The following DIS3L variants were observed in gnomAD, a reference collection of about 807,000 sequenced individuals.
DIS3L encodes DIS3 like exosome 3'-5' exoribonuclease, also known as DIS3-like exonuclease 1.
In DIS3L, 100 loss-of-function variants were observed where a neutral mutation model predicts 120.3. The ratio of observed to expected loss-of-function variants is 0.83; its 90% CI spans 0.71 to 0.98. The LOEUF (loss-of-function observed/expected upper bound fraction) is 0.98, where lower values mean the gene tolerates loss of function less well. DIS3L is among the 50% of genes least tolerant of loss of function. The pLI is 0.00. For missense variants in DIS3L, 1,196 were observed against 1,314.2 expected (o/e 0.91, Z 1.39); for synonymous variants, 426 against 470.6 (o/e 0.91, Z 1.23).
chr15:66,311,460 G>A (rs2040983943), intron 4 of DIS3L, among the ~76,000 whole-genome samples: 1 of 152,176 alleles, frequency 6.6e-6, no homozygotes, highest in African/African-American at 2.4e-5. Flanking sequence ...TGTGTGTGGA[G>A]AGAAAGAGAC....
rs1283384329 is a variant in DIS3L at position 66,304,998 on chromosome 15, C to CTT, written c.294-1807_294-1806dup. Among the ~76,000 whole-genome samples, 176 of 105,064 alleles carry CTT rather than the reference C, an allele frequency of 1.7e-3. 6 individuals carry two copies. The highest frequency in any genetic ancestry group is 5.7e-3 in the Middle Eastern group (1 of 174). The allele number at this position is 105,064 out of a possible 152,430, so 68.9% of individuals were successfully genotyped here. ...ATTACTAAGAAAATAAAATCGATTT[C>CTT]TTTTTTTTTTTTTTTTTTTTGAGCC... is the stretch of plus-strand genomic sequence containing the variant. On this transcript the variant is annotated intron_variant, in intron 2 of 16. Transcript: ENST00000319212.
chr15:66,320,641 G>A lies in DIS3L; in HGVS notation c.1235G>A (p.Arg412His), dbSNP rs146228598. 3.5e-5 allele frequency: 57 copies of A among 1,614,080 alleles called. No homozygotes were observed. The South Asian group carries it at 4.0e-4, about 11-fold the overall frequency. ...GTGTATCCAAATGGACATTTTGTGC[G>A]TGTTTTAGGAAGAATCGGAGATCTG... ...TSVYPNGHFV[R>H]VLGRIGDLEG... The change falls in exon 9 of 17, where the codon CGT (arginine) becomes CAT (histidine). Residue 412 changes from arginine (R) to histidine (H), a missense_variant. Coordinates refer to ENST00000319212, the MANE Select transcript of DIS3L (RefSeq NM_001143688.3).
intron 8 of DIS3L, among the ~76,000 whole-genome samples, chr15:66,318,950 G>A (rs1190897412): frequency 6.6e-6 from 1 of 151,856 alleles, no homozygotes; most frequent in Non-Finnish European, 1.5e-5. Context: ...CCGCCACCAC[G>A]CCCGGCTAAT....
In DIS3L at chr15:66,295,956, G is replaced by A. The variant is rs1023191543; in HGVS notation, c.293+815G>A. On this transcript the variant is annotated intron_variant, in intron 2 of 16. Transcript: ENST00000319212. Reference sequence around the variant, plus strand: ...GATAAAAGATGAAGTGTTTTTATTTGTATATGAAAATGGCAAAAAATTGTC... The same window carrying A: ...GATAAAAGATGAAGTGTTTTTATTTATATATGAAAATGGCAAAAAATTGTC... Among the ~76,000 whole-genome samples, 3 of 152,082 alleles carry A rather than the reference G, an allele frequency of 2.0e-5. No homozygotes were observed. In the East Asian group the frequency reaches 5.8e-4, roughly 29 times the overall value.
chr15:66,325,977 A>T lies in DIS3L; in HGVS notation c.1814A>T (p.Asp605Val). 3 of 1,614,200 alleles carry T rather than the reference A, an allele frequency of 1.9e-6. No individual in the cohort carries two copies. Among genetic ancestry groups the T allele is most frequent in the Non-Finnish European group, 2.5e-6 (3 of 1,180,034 alleles). ...ELLDGNLSVV[D>V]DIPEFKDLDE... ...CTGGATGGAAACTTAAGCGTTGTTG[A>T]TGATATTCCAGAATTCAAAGACTTG... The change falls in exon 12 of 17, where the codon GAT (aspartate) becomes GTT (valine). Residue 605 changes from aspartate to valine, a missense_variant. Coordinates refer to ENST00000319212, the MANE Select transcript of DIS3L (RefSeq NM_001143688.3).
At position 66,326,614 on chromosome 15, in the gene DIS3L, C is replaced by T. The variant is rs567401599; in HGVS notation, c.2201+250C>T. 2.2e-4 allele frequency: 91 copies of T among 414,718 alleles called. 1 individual carries two copies. Among genetic ancestry groups the T allele is most frequent in the African/African-American group, 1.4e-3 (69 of 49,632 alleles). 25.7% of individuals were successfully genotyped at this position (414,718 alleles called of 1,614,324 possible). On this transcript the variant is annotated intron_variant, in intron 12 of 16. Transcript: ENST00000319212. The stretch of plus-strand genomic sequence containing the variant: ...ATTTTTTTTTAGATAGAGTCTTGCT[C>T]TGTCACCCAGGTTGGAGTACAGTGG...
In DIS3L at chr15:66,306,913, C is replaced by G. The variant is rs2092708174; in HGVS notation, c.383C>G (p.Pro128Arg). The change falls in exon 3 of 17, where the codon CCA becomes CGA. Residue 128 changes from proline to arginine, a missense_variant. Pro to Arg is a moderately radical substitution (Grantham distance 103, BLOSUM62 -2). Transcript: ENST00000319212. The stretch of plus-strand genomic sequence containing the variant: ...GAATTCCAGCAATGCTGCTATCTGC[C>G]ACGGGAAAGAGGAGAGTCCATGGAG... The part of the protein sequence containing the change: ...ANEFQQCCYL[P>R]RERGESMEKW... 1 of 1,613,916 alleles carries G rather than the reference C, an allele frequency of 6.2e-7. No homozygotes were observed. The highest frequency in any genetic ancestry group is 1.3e-5 in the African/African-American group (1 of 74,916).
At chr15:66,296,616 C>A (rs531644771) in intron 2 of DIS3L, among the ~76,000 whole-genome samples, 3 of 151,726 alleles carry the variant, frequency 2.0e-5, no homozygotes, top group Non-Finnish European at 4.4e-5. Context: ...CTCCACCTCC[C>A]GGGTTCAAGT....
In DIS3L at chr15:66,332,763, A is replaced by G. The variant is rs138817658; in HGVS notation, c.2709A>G (p.Leu903=). The G allele has an allele frequency of 1.1e-5, 17 of 1,613,016 alleles. No homozygotes were observed. Among genetic ancestry groups the G allele is most frequent in the Middle Eastern group, 3.3e-4 (2 of 6,054 alleles). Residue 903 remains leucine (L), a synonymous_variant, in exon 16 of 17, where the codon CTA becomes CTG. Coordinates refer to ENST00000319212, the MANE Select transcript of DIS3L (RefSeq NM_001143688.3). ...PRFGIKGAAY[L]KNKDGLVISC... ...TTGGGATTAAAGGTGCTGCTTATCT[A>G]AAAAATAAAGATGGTTTAGTCATCT... is the stretch of plus-strand genomic sequence containing the variant.
intron 2 of DIS3L, among the ~76,000 whole-genome samples, chr15:66,302,491 G>A (rs1028057509): frequency 3.3e-5 from 5 of 152,330 alleles, no homozygotes; most frequent in East Asian, 3.9e-4. Context: ...ATTCAGGGGC[G>A]TTATTACCCT....
chr15:66,333,059 T>A lies in DIS3L; in HGVS notation c.2912T>A (p.Ile971Lys). 6.2e-7 allele frequency: 1 copy of A among 1,613,358 alleles called. No homozygotes were observed. The highest frequency in any genetic ancestry group is 1.3e-5 in the African/African-American group (1 of 75,030). The change falls in exon 17 of 17, where the codon ATA becomes AAA. Residue 971 changes from isoleucine to lysine, a missense_variant. Coordinates refer to ENST00000319212, the MANE Select transcript of DIS3L (RefSeq NM_001143688.3). ...CATTCTGATACAATCAGACTTGAAATAATTAGTAACAAACCATACAAGATA... is the reference window on the plus strand; with the variant it reads ...CATTCTGATACAATCAGACTTGAAAAAATTAGTAACAAACCATACAAGATA... ...RCHSDTIRLE[I>K]ISNKPYKIPN...
At chr15:66,323,396 G>A in intron 10 of DIS3L, 97 bp from the exon 11 acceptor site, 1 of 1,155,540 alleles carries the variant, frequency 8.7e-7, no homozygotes, top group Non-Finnish European at 1.3e-6. Context: ...GGAATCTGTA[G>A]TGAGATTTTG....
chr15:66,324,916 C>T (rs1206035349), intron 11 of DIS3L, among the ~76,000 whole-genome samples: 1 of 151,722 alleles, frequency 6.6e-6, no homozygotes, highest in Non-Finnish European at 1.5e-5. Context: ...AAATGTATAC[C>T]TTTTTTTTAA....
Position 66,318,598 on chromosome 15 carries a change from C to G in DIS3L, c.1144C>G (p.Gln382Glu), listed in dbSNP as rs777860679. The G allele has an allele frequency of 1.2e-6, 2 of 1,614,002 alleles. No homozygotes were observed. The highest frequency in any genetic ancestry group is 8.5e-7 in the Non-Finnish European group (1 of 1,179,980). The change falls in exon 8 of 17, where the codon CAG becomes GAG. Residue 382 changes from glutamine (Q) to glutamate (E), a missense_variant. Physicochemically the swap from Gln to Glu is conservative, Grantham distance 29. Transcript: ENST00000319212. ...YRIPKIRIST[Q>E]QAETLQDFRV... Reference sequence around the variant, plus strand: ...AATTCCCAAAATTCGAATTAGCACTCAGCAAGCAGAAACCCTCCAGGTAGT... The same window carrying G: ...AATTCCCAAAATTCGAATTAGCACTGAGCAAGCAGAAACCCTCCAGGTAGT...
In DIS3L at chr15:66,293,676, T is replaced by G. The variant is rs959239144; in HGVS notation, c.80T>G (p.Leu27Arg). The G allele has an allele frequency of 1.3e-5, 19 of 1,410,866 alleles. No homozygotes were observed. In the African/African-American group the frequency reaches 2.4e-4, roughly 18 times the overall value. 87.4% of individuals were successfully genotyped at this position (1,410,866 alleles called of 1,614,324 possible). The change falls in exon 1 of 17, where the codon CTG becomes CGG. Residue 27 changes from leucine to arginine, a missense_variant. Coordinates refer to ENST00000319212, the MANE Select transcript of DIS3L (RefSeq NM_001143688.3). Reference protein sequence around the residue: ...RTLRIVREHYLRPCVPCHSPL... With the variant: ...RTLRIVREHYRRPCVPCHSPL... ...CTGCGGATCGTGCGCGAGCACTACC[T>G]GCGGCCCTGCGTGCCCTGCCACAGC...
At chr15:66,293,533 T>G (rs139096215), upstream of DIS3L, 2 of 1,328,912 alleles carry the variant, frequency 1.5e-6, no homozygotes, top group Non-Finnish European at 1.9e-6. Context: ...GAGGGGCGGG[T>G]CCGAGGCCGC....
At chr15:66,297,898 G>A (rs2092605438) in intron 2 of DIS3L, among the ~76,000 whole-genome samples, 2 of 152,124 alleles carry the variant, frequency 1.3e-5, no homozygotes, top group Admixed American at 1.3e-4. Context: ...ATGGGAATCA[G>A]GCCAGGCTGA....
At chr15:66,313,929 A>G in intron 5 of DIS3L, 110 bp from the exon 6 acceptor site, 1 of 783,154 alleles carries the variant, frequency 1.3e-6, no homozygotes, top group Non-Finnish European at 2.0e-6. Context: ...ACAAACCTTA[A>G]AAGAATATTA....
chr15:66,295,745 C>G (rs1027389523), intron 2 of DIS3L, among the ~76,000 whole-genome samples: 2 of 152,176 alleles, frequency 1.3e-5, no homozygotes, highest in Non-Finnish European at 2.9e-5. Flanking sequence ...ACCTTTTAAA[C>G]AAATACTTTG....
Sources: gnomAD v4.1 joint callset for allele counts (sites outside exome capture counted in the v4.1 genomes callset) on GRCh38, gnomAD v4.1.1 for gene constraint, MANE v1.5 for transcripts, NCBI Gene and HGNC (gene_info 2026-07-23, HGNC 2026-07-21) for gene names.